The following FGF13 variants were observed in gnomAD, a reference collection of about 807,000 sequenced individuals.
The protein encoded by FGF13 is fibroblast growth factor homologous factor 2.
FGF13 carries 2 observed loss-of-function variants against 19.5 expected under a neutral mutation model. The ratio of observed to expected loss-of-function variants is 0.10; its 90% CI spans 0.04 to 0.32. The LOEUF (loss-of-function observed/expected upper bound fraction) is 0.32. FGF13 is among the 10% of genes least tolerant of loss of function. The probability of loss-of-function intolerance (pLI) is 1.00; values close to 1 mark genes in which losing one functional copy is unlikely to be tolerated. For synonymous variants in FGF13, 72 were observed against 76.9 expected, an observed-to-expected ratio of 0.94 and a Z score of 0.33; for missense variants, 113 against 192.7, an observed-to-expected ratio of 0.59 and a Z score of 2.45.
intron 3 of FGF13, among the ~76,000 whole-genome samples, chrX:138,810,083 G>GA (rs779241967): frequency 2.3e-4 from 26 of 111,518 alleles, no homozygotes; most frequent in African/African-American, 6.8e-4. Context: ...CACAGAATTA[G>GA]AAAAAACTAC....
At chrX:138,799,927 T>C (rs770818597) in intron 3 of FGF13, among the ~76,000 whole-genome samples, 31 of 111,636 alleles carry the variant, frequency 2.8e-4, no homozygotes, top group Non-Finnish European at 5.3e-4. Flanking sequence ...TTCCATTTGC[T>C]TGGTAATTAT....
At chrX:138,847,506 T>A (rs1348171305) in intron 3 of FGF13, among the ~76,000 whole-genome samples, 16 of 111,645 alleles carry the variant, frequency 1.4e-4, no homozygotes. Flanking sequence ...TGGGTGGAAG[T>A]GGACAAGTGA....
At chrX:139,091,104 A>G (rs1302085044) in intron 1 of FGF13, among the ~76,000 whole-genome samples, 26 of 110,839 alleles carry the variant, frequency 2.3e-4, no homozygotes, top group Non-Finnish European at 1.1e-4. Flanking sequence ...AAGGAAGCAA[A>G]GGTAACAAAA....
At chrX:139,113,014 GTGTGTT>G (rs2083615108) in intron 1 of FGF13, among the ~76,000 whole-genome samples, 1 of 99,962 alleles carries the variant, frequency 1.0e-5, no homozygotes, top group Non-Finnish European at 1.9e-5. Context: ...GTGTGTGTGT[GTGTGTT>G]TTCATTTAGA....
At chrX:138,648,971 T>C (rs1168568296) in intron 3 of FGF13, among the ~76,000 whole-genome samples, 7 of 112,273 alleles carry the variant, frequency 6.2e-5, no homozygotes, top group African/African-American at 1.9e-4. Flanking sequence ...CTCATACTAA[T>C]TTTTACCAGA....
chrX:138,642,640 ATG>A (rs2089263494), intron 3 of FGF13, among the ~76,000 whole-genome samples: 1 of 112,492 alleles, frequency 8.9e-6, no homozygotes, highest in Middle Eastern at 4.6e-3. Context: ...GCCTGGCTAT[ATG>A]TGTTTTATTA....
rs770192423 is a variant in FGF13, at chrX:139,196,422, C to T, written c.-113+6994G>A. Among the ~76,000 whole-genome samples the T allele has an allele frequency of 2.9e-4, 32 of 111,283 alleles. 1 individual carries two copies. Among genetic ancestry groups the T allele is most frequent in the Non-Finnish European group, 6.0e-4 (32 of 53,043 alleles). On this transcript the variant is annotated intron_variant, in intron 1 of 2. Transcript: ENST00000421460. ...ATCGGAAAGTTTAAAGTCAGAATGT[C>T]CCAGGCCAGAGAAGAAGGAAAGGGT...
intron 1 of FGF13, among the ~76,000 whole-genome samples, chrX:139,085,528 A>C (rs1324908194): frequency 5.3e-5 from 6 of 112,217 alleles, no homozygotes; most frequent in Non-Finnish European, 1.1e-4. Flanking sequence ...GAGCCACCCA[A>C]AGTGTGTTTG....
chrX:138,616,946 G>A lies in FGF13; in HGVS notation c.*15904C>T, dbSNP rs1046846124. ...GGGGACGCAGGGTACCATGTTTCAA[G>A]GCTGCAAAGAGCAAGGGGGGGTGCC... On this transcript the variant is annotated 3_prime_UTR_variant, in exon 5 of 5. Coordinates refer to ENST00000315930, the MANE Select transcript of FGF13 (RefSeq NM_004114.5). The A allele has an allele frequency of 9.1e-6, 1 of 109,443 alleles. No homozygotes were observed. Among genetic ancestry groups the A allele is most frequent in the African/African-American group, 3.5e-5 (1 of 28,474 alleles). 9.0% of individuals were successfully genotyped at this position (109,443 alleles called of 1,213,427 possible). A position where few individuals can be genotyped will look rare whatever the true frequency, so the allele number is the denominator to read the frequency against.
At chrX:138,807,366 T>C (rs2124017308) in intron 3 of FGF13, among the ~76,000 whole-genome samples, 1 of 111,144 alleles carries the variant, frequency 9.0e-6, no homozygotes, top group Non-Finnish European at 1.9e-5. Flanking sequence ...GAAGGAGAAA[T>C]AAAATCCTTT....
intron 1 of FGF13, among the ~76,000 whole-genome samples, chrX:138,927,766 G>A (rs770907154): frequency 1.3e-4 from 15 of 111,686 alleles, no homozygotes; most frequent in African/African-American, 4.6e-4. Context: ...TAAACTACAA[G>A]CCATGCTATT....
At chrX:139,008,956 T>A (rs1390263339) in intron 1 of FGF13, among the ~76,000 whole-genome samples, 1 of 110,483 alleles carries the variant, frequency 9.1e-6, no homozygotes. Flanking sequence ...AAAAACATGA[T>A]CCAGAAAATG....
At chrX:138,853,681 G>A (rs1397251875), downstream of FGF13, among the ~76,000 whole-genome samples, 1 of 109,852 alleles carries the variant, frequency 9.1e-6, no homozygotes, top group Non-Finnish European at 1.9e-5. Context: ...ATAGCAAAGA[G>A]CTCAAATGCC....
At chrX:138,801,296 G>T (rs1007286774) in intron 3 of FGF13, among the ~76,000 whole-genome samples, 17 of 112,216 alleles carry the variant, frequency 1.5e-4, no homozygotes, top group African/African-American at 5.5e-4. Context: ...TGATGTTGAT[G>T]TTATTGCTTT....
At chrX:139,056,822 C>T (rs1293217805) in intron 1 of FGF13, among the ~76,000 whole-genome samples, 1 of 112,120 alleles carries the variant, frequency 8.9e-6, no homozygotes, top group Non-Finnish European at 1.9e-5. Context: ...ATGGAGCATG[C>T]GAGCCTTCAA....
chrX:138,967,756 T>G, intron 1 of FGF13, among the ~76,000 whole-genome samples: 1 of 111,312 alleles, frequency 9.0e-6, no homozygotes, highest in Admixed American at 9.6e-5. Context: ...AAACAGAATA[T>G]AAGGCTATGA....
chrX:139,153,062 C>A (rs969696163), intron 1 of FGF13, among the ~76,000 whole-genome samples: 1 of 111,416 alleles, frequency 9.0e-6, no homozygotes, highest in Non-Finnish European at 1.9e-5. Flanking sequence ...CAGGGATAAT[C>A]TCTACCCTTG....
At chrX:139,147,794 G>C (rs902580151) in intron 1 of FGF13, among the ~76,000 whole-genome samples, 5 of 110,524 alleles carry the variant, frequency 4.5e-5, no homozygotes, top group Non-Finnish European at 7.6e-5. Context: ...ATTGGATTTA[G>C]GGTTGATCCT....
At chrX:139,064,442 A>T (rs1370006456) in intron 1 of FGF13, among the ~76,000 whole-genome samples, 1 of 81,943 alleles carries the variant, frequency 1.2e-5, no homozygotes, top group Non-Finnish European at 2.3e-5. Context: ...AGCTGGGACT[A>T]CAGGCGCCCG....
Sources: gnomAD v4.1 joint callset for allele counts (sites outside exome capture counted in the v4.1 genomes callset) on GRCh38, gnomAD v4.1.1 for gene constraint, MANE v1.5 for transcripts, NCBI Gene and HGNC (gene_info 2026-07-23, HGNC 2026-07-21) for gene names.